The following LMX1A variants were observed in gnomAD, a reference collection of about 807,000 sequenced individuals.
The protein encoded by LMX1A is LIM homeobox transcription factor 1-alpha.
A neutral mutation model predicts 49.1 loss-of-function variants in LMX1A; 15 were observed. The ratio of observed to expected loss-of-function variants is 0.31; its 90% CI spans 0.20 to 0.47. The LOEUF is 0.47. LMX1A is among the 20% of genes least tolerant of loss of function. LMX1A has a pLI of 1.00. For synonymous variants in LMX1A, 167 were observed against 185.7 expected (o/e 0.90, Z 0.82); for missense variants, 372 against 475.8 (o/e 0.78, Z 2.03).
intron 3 of LMX1A, among the ~76,000 whole-genome samples, chr1:165,348,292 C>T (rs779677735): frequency 9.2e-5 from 14 of 152,078 alleles, no homozygotes; most frequent in Non-Finnish European, 1.6e-4. Context: ...ATATCTACTC[C>T]TGCTATCTAA....
intron 3 of LMX1A, among the ~76,000 whole-genome samples, chr1:165,276,491 A>G (rs189391064): frequency 7.2e-5 from 11 of 152,266 alleles, no homozygotes; most frequent in Middle Eastern, 3.4e-3. Context: ...AGCAATTCTC[A>G]TTTCCAGCCT....
At chr1:165,300,252 A>G (rs1429996406) in intron 3 of LMX1A, among the ~76,000 whole-genome samples, 1 of 152,184 alleles carries the variant, frequency 6.6e-6, no homozygotes, top group Non-Finnish European at 1.5e-5. Context: ...CAATTAAAAT[A>G]TGCTCACAAC....
At chr1:165,342,655 TACAA>T (rs1391533588) in intron 3 of LMX1A, among the ~76,000 whole-genome samples, 2 of 152,044 alleles carry the variant, frequency 1.3e-5, no homozygotes, top group Admixed American at 6.6e-5. Flanking sequence ...TGATTTCTCA[TACAA>T]ACAAAGAGGC....
chr1:165,255,747 G>A (rs1480579522), intron 3 of LMX1A, among the ~76,000 whole-genome samples: 2 of 152,146 alleles, frequency 1.3e-5, no homozygotes, highest in South Asian at 2.1e-4. Flanking sequence ...GCCGAGGTGG[G>A]CGGATCACCT....
intron 3 of LMX1A, among the ~76,000 whole-genome samples, chr1:165,255,069 G>C (rs1653189229): frequency 6.6e-6 from 1 of 152,142 alleles, no homozygotes; most frequent in South Asian, 2.1e-4. Flanking sequence ...GAAGGCTCTG[G>C]GGATGCCGTG....
At chr1:165,263,931 T>C (rs79668680) in intron 3 of LMX1A, among the ~76,000 whole-genome samples, 3,048 of 152,154 alleles carry the variant, frequency 0.02, 59 homozygotes, top group Non-Finnish European at 0.029. Context: ...ACTACCACCA[T>C]TATCAACACA....
At chr1:165,231,670 C>CAG (rs1652245811) in intron 4 of LMX1A, among the ~76,000 whole-genome samples, 1 of 152,186 alleles carries the variant, frequency 6.6e-6, no homozygotes, top group Admixed American at 6.5e-5. Context: ...CTCTAGTTAA[C>CAG]TTGGTTCCCA....
intron 3 of LMX1A, 142 bp downstream of exon 3, chr1:165,352,934 C>T: frequency 1.1e-6 from 1 of 891,062 alleles, no homozygotes; most frequent in Non-Finnish European, 1.7e-6. Context: ...GGGCAATGTA[C>T]ACGACTGCGC....
chr1:165,320,765 T>G (rs988645678), intron 3 of LMX1A, among the ~76,000 whole-genome samples: 1 of 152,206 alleles, frequency 6.6e-6, no homozygotes, highest in African/African-American at 2.4e-5. Context: ...GAGTATTGCC[T>G]AGAGATAAGG....
chr1:165,336,646 C>T (rs138995145), intron 3 of LMX1A, among the ~76,000 whole-genome samples: 14 of 152,172 alleles, frequency 9.2e-5, no homozygotes, highest in African/African-American at 3.1e-4. Flanking sequence ...CCACCTACAC[C>T]GTTGCCATCT....
At chr1:165,318,148 T>A (rs111475855) in intron 3 of LMX1A, among the ~76,000 whole-genome samples, 1 of 152,246 alleles carries the variant, frequency 6.6e-6, no homozygotes, top group African/African-American at 2.4e-5. Flanking sequence ...CTGTCCATGC[T>A]ACCTTTTTTG....
chr1:165,280,605 A>G (rs1330987453), intron 3 of LMX1A, among the ~76,000 whole-genome samples: 1 of 152,218 alleles, frequency 6.6e-6, no homozygotes, highest in Non-Finnish European at 1.5e-5. Flanking sequence ...TTTAAACAAT[A>G]GTTATCATTA....
At chr1:165,256,134 A>G (rs1653227842) in intron 3 of LMX1A, among the ~76,000 whole-genome samples, 1 of 152,166 alleles carries the variant, frequency 6.6e-6, no homozygotes, top group Admixed American at 6.5e-5. Context: ...CAGGCAGAAC[A>G]TGCTCCTTAC....
At chr1:165,353,398 TCAAC>T (rs1656493536) in intron 2 of LMX1A, 136 bp from the exon 3 acceptor site, 1 of 666,068 alleles carries the variant, frequency 1.5e-6, no homozygotes, top group Non-Finnish European at 2.5e-6. Context: ...CTCCTGCTAA[TCAAC>T]CAAGCTGAAA....
chr1:165,355,611 C>A lies in LMX1A; in HGVS notation c.-22-30G>T. The A allele has an allele frequency of 6.4e-7, 1 of 1,556,112 alleles. No individual in the cohort carries two copies. The highest frequency in any genetic ancestry group is 2.3e-5 in the East Asian group (1 of 43,890). ...AGAGGAGAAGAAACGATGCGTCTGACGTCCGTGCCCGCTGGGACTCGGCGC... is the reference window on the plus strand; with the variant it reads ...AGAGGAGAAGAAACGATGCGTCTGAAGTCCGTGCCCGCTGGGACTCGGCGC... On this transcript the variant is annotated intron_variant, in intron 1 of 8. Transcript: ENST00000342310. The surrounding 1 kb of genome is among the most constrained non-coding windows in gnomAD (Gnocchi z 4.7).
intron 4 of LMX1A, among the ~76,000 whole-genome samples, chr1:165,237,001 A>G (rs1162715370): frequency 6.6e-6 from 1 of 152,162 alleles, no homozygotes; most frequent in East Asian, 1.9e-4. Flanking sequence ...GAGCAGAGGT[A>G]TCATCCCAGC....
intron 7 of LMX1A, among the ~76,000 whole-genome samples, chr1:165,207,025 C>T (rs74118519): frequency 8.0e-4 from 122 of 152,284 alleles, no homozygotes; most frequent in African/African-American, 2.8e-3. Flanking sequence ...TCACATTCCA[C>T]AGACTTCAAA....
intron 8 of LMX1A, among the ~76,000 whole-genome samples, chr1:165,205,375 G>A (rs1170353632): frequency 6.6e-6 from 1 of 152,146 alleles, no homozygotes; most frequent in East Asian, 1.9e-4. Flanking sequence ...GTGGGTATAA[G>A]GGAGATACTT....
chr1:165,320,000 T>C (rs1655337007), intron 3 of LMX1A, among the ~76,000 whole-genome samples: 1 of 152,178 alleles, frequency 6.6e-6, no homozygotes, highest in African/African-American at 2.4e-5. Flanking sequence ...CAGCACAACC[T>C]CTACCTCCAC....
Sources: gnomAD v4.1 joint callset for allele counts (sites outside exome capture counted in the v4.1 genomes callset) on GRCh38, gnomAD v4.1.1 for gene constraint, Gnocchi (gnomAD v3.1) non-coding constraint, MANE v1.5 for transcripts, NCBI Gene and HGNC (gene_info 2026-07-23, HGNC 2026-07-21) for gene names.